The following PEX7 variants were observed in gnomAD, a reference collection of about 807,000 sequenced individuals.
PEX7 encodes the protein PTS2 receptor.
In PEX7, 34 loss-of-function variants were observed where a neutral mutation model predicts 47.5. The observed-to-expected ratio is 0.72, with a 90% CI of 0.54 to 0.95. PEX7 has a LOEUF of 0.95. Ranked by LOEUF, PEX7 falls within the 40% of genes least tolerant of loss-of-function variation. PEX7 has a pLI of 0.00. For synonymous variants in PEX7, 141 were observed against 148.8 expected, an observed-to-expected ratio of 0.95 and a Z score of 0.38; for missense variants, 394 against 400.3, an observed-to-expected ratio of 0.98 and a Z score of 0.13.
rs577119416 is a variant in PEX7, at chr6:136,827,833, A to G, written c.339+1364A>G. 6.7e-5 allele frequency among the ~76,000 whole-genome samples: 10 copies of G among 148,360 alleles called. No individual in the cohort carries two copies. In the East Asian group the frequency reaches 1.2e-3, roughly 18 times the overall value. ...AGGCGTGAGCCACCGTGCCCAGCCA[A>G]TTTTTGTGTGTGTGTGTTTTTTTGT... On this transcript the variant is annotated intron_variant, in intron 3 of 9. Coordinates refer to ENST00000318471, the MANE Select transcript of PEX7 (RefSeq NM_000288.4).
chr6:136,879,780 CT>C (rs1367972398), intron 8 of PEX7, among the ~76,000 whole-genome samples: 7 of 152,128 alleles, frequency 4.6e-5, no homozygotes, highest in Non-Finnish European at 7.4e-5. Context: ...CTCTCAGGTA[CT>C]TTCTGTCTGA....
chr6:136,823,165 C>T (rs997884952), intron 1 of PEX7: 1 of 985,264 alleles, frequency 1.0e-6, no homozygotes, highest in Non-Finnish European at 1.2e-6. Flanking sequence ...CACAGCAGTA[C>T]GGGGAAGACG....
chr6:136,896,418 C>T (rs991469796), intron 8 of PEX7, among the ~76,000 whole-genome samples: 4 of 152,162 alleles, frequency 2.6e-5, no homozygotes, highest in Admixed American at 1.3e-4. Flanking sequence ...GACAAAGCAT[C>T]TGTATGTTTC....
intron 3 of PEX7, chr6:136,830,189 T>C (rs1247783865): frequency 3.3e-6 from 2 of 608,284 alleles, no homozygotes; most frequent in African/African-American, 3.7e-5. Flanking sequence ...TAAACTTGAG[T>C]GTTTTTATTT....
Position 136,845,274 on chromosome 6 carries a change from A to G in PEX7, c.340-341A>G, listed in dbSNP as rs557073611. Among the ~76,000 whole-genome samples, 6 of 152,322 alleles carry G rather than the reference A, an allele frequency of 3.9e-5. No individual in the cohort carries two copies. In the East Asian group the frequency reaches 1.2e-3, roughly 29 times the overall value. ...ACCCAGCAAGCTTTTTTAGATGACT[A>G]ACTTTCTAATCTGCTTTGACATTTC... is the stretch of plus-strand genomic sequence containing the variant. On this transcript the variant is annotated intron_variant, in intron 3 of 9. Coordinates refer to ENST00000318471, the MANE Select transcript of PEX7 (RefSeq NM_000288.4).
At position 136,911,613 on chromosome 6, in the gene PEX7, C is replaced by T. The variant is rs1449527331; in HGVS notation, c.904-1845C>T. 5.9e-5 allele frequency among the ~76,000 whole-genome samples: 9 copies of T among 152,018 alleles called. No homozygotes were observed. The East Asian group carries it at 1.5e-3, about 26-fold the overall frequency. ...GTAGAGGTGGGGTTTCACCATGGTGCCCAGGCTGGTCTCAAACTCCTGACC... is the reference window on the plus strand; with the variant it reads ...GTAGAGGTGGGGTTTCACCATGGTGTCCAGGCTGGTCTCAAACTCCTGACC... On this transcript the variant is annotated intron_variant, in intron 9 of 9. Coordinates refer to ENST00000318471, the MANE Select transcript of PEX7 (RefSeq NM_000288.4).
intron 8 of PEX7, among the ~76,000 whole-genome samples, chr6:136,874,968 C>A (rs190309629): frequency 6.6e-6 from 1 of 151,762 alleles, no homozygotes; most frequent in Non-Finnish European, 1.5e-5. Context: ...GGTGAAACCC[C>A]GTCTCTACTA....
intron 5 of PEX7, among the ~76,000 whole-genome samples, chr6:136,853,886 T>A (rs902530287): frequency 8.5e-5 from 13 of 152,226 alleles, no homozygotes; most frequent in Non-Finnish European, 1.9e-4. Flanking sequence ...ACTGTCGACT[T>A]ATAAGGTTAT....
chr6:136,827,410 A>G (rs1314143127), intron 3 of PEX7, among the ~76,000 whole-genome samples: 5 of 152,214 alleles, frequency 3.3e-5, no homozygotes, highest in Non-Finnish European at 5.9e-5. Flanking sequence ...CAATTTTGGT[A>G]AAGGAGAAAT....
chr6:136,879,774 C>T (rs918565568), intron 8 of PEX7, among the ~76,000 whole-genome samples: 2 of 152,166 alleles, frequency 1.3e-5, no homozygotes, highest in Non-Finnish European at 2.9e-5. Context: ...TCTTCTCTCT[C>T]AGGTACTTTC....
chr6:136,872,192 T>C lies in PEX7; in HGVS notation c.748-6T>C. The C allele has an allele frequency of 6.2e-7, 1 of 1,607,948 alleles. No individual in the cohort carries two copies. Among genetic ancestry groups the C allele is most frequent in the Non-Finnish European group, 8.5e-7 (1 of 1,178,936 alleles). The stretch of plus-strand genomic sequence containing the variant: ...AAGGGTTTTTTTTTTCTTTTTTTTT[T>C]TGTAGTTTTCACCATTTCATGCTTC... On this transcript the variant is annotated splice_polypyrimidine_tract_variant and splice_region_variant and intron_variant, in intron 7 of 9. Coordinates refer to ENST00000318471, the MANE Select transcript of PEX7 (RefSeq NM_000288.4).
At chr6:136,866,821 G>A (rs1398591057) in intron 6 of PEX7, 88 bp downstream of exon 6, 1 of 1,149,356 alleles carries the variant, frequency 8.7e-7, no homozygotes, top group African/African-American at 1.5e-5. Flanking sequence ...TGTGGACTTT[G>A]GTGGTGTTCC....
rs2115171471 is a variant in PEX7 at position 136,846,081 on chromosome 6, A to G, written c.426A>G (p.Pro142=). 1 of 1,606,660 alleles carries G rather than the reference A, an allele frequency of 6.2e-7. No homozygotes were observed. Among genetic ancestry groups the G allele is most frequent in the Middle Eastern group, 1.7e-4 (1 of 6,052 alleles). The change falls in exon 5 of 10, where the codon CCA becomes CCG. Residue 142 remains proline, a synonymous_variant. Transcript: ENST00000318471. ...TATTCATTTATTTGTAGTGGGATCC[A>G]ACTGTTGGAAAGTCTCTGTGCACCT... ...SWDQTVKLWD[P]TVGKSLCTFR...
At chr6:136,858,794 T>C (rs1774908167) in intron 5 of PEX7, among the ~76,000 whole-genome samples, 1 of 152,228 alleles carries the variant, frequency 6.6e-6, no homozygotes, top group Admixed American at 6.5e-5. Context: ...AAGTGGTTGC[T>C]TTAGTTGGAG....
At chr6:136,868,150 G>GT (rs1775108774) in intron 6 of PEX7, among the ~76,000 whole-genome samples, 1 of 152,180 alleles carries the variant, frequency 6.6e-6, no homozygotes, top group Non-Finnish European at 1.5e-5. Flanking sequence ...GCAATAGGCT[G>GT]TTTCATCTAG....
At chr6:136,841,532 A>G (rs1401602678) in intron 3 of PEX7, among the ~76,000 whole-genome samples, 3 of 152,126 alleles carry the variant, frequency 2.0e-5, no homozygotes, top group African/African-American at 7.2e-5. Flanking sequence ...CTGAGCACGA[A>G]GCTGAATTTC....
intron 8 of PEX7, among the ~76,000 whole-genome samples, chr6:136,886,853 G>T (rs758528047): frequency 1.3e-5 from 2 of 152,090 alleles, no homozygotes; most frequent in Non-Finnish European, 2.9e-5. Flanking sequence ...AGGAATTCGA[G>T]ACCAGCCTGG....
In PEX7 at chr6:136,866,849, T is replaced by A. The variant is rs1425847052; in HGVS notation, c.633+116T>A. On this transcript the variant is annotated intron_variant, in intron 6 of 9. Transcript: ENST00000318471. ...GGTGTTCCTGGACCATTAAGTTAAA[T>A]TCTGTCCCTTTCCTTTCTAATTAAT... is the stretch of plus-strand genomic sequence containing the variant. 3.6e-6 allele frequency: 3 copies of A among 831,988 alleles called. No homozygotes were observed. The Admixed American group carries it at 6.1e-5, about 17-fold the overall frequency. The allele number at this position is 831,988 out of a possible 1,614,324, so 51.5% of individuals were successfully genotyped here. A position where few individuals can be genotyped will look rare whatever the true frequency, so the allele number is the denominator to read the frequency against.
rs143160897 is a variant in PEX7 at position 136,911,596 on chromosome 6, G to A, written c.904-1862G>A. ...CATTTTATGTATTTTAGGTAGAGGT[G>A]GGGTTTCACCATGGTGCCCAGGCTG... On this transcript the variant is annotated intron_variant, in intron 9 of 9. Transcript: ENST00000318471. 1.2e-3 allele frequency among the ~76,000 whole-genome samples: 188 copies of A among 152,044 alleles called. 1 individual carries two copies. Among genetic ancestry groups the A allele is most frequent in the East Asian group, 5.0e-3 (26 of 5,162 alleles).
Sources: allele counts gnomAD v4.1 joint callset (sites outside exome capture counted in the v4.1 genomes callset), GRCh38; gene constraint gnomAD v4.1.1; transcripts MANE v1.5; gene names NCBI Gene and HGNC (gene_info 2026-07-23, HGNC 2026-07-21).